DPP6: variants seen among roughly 807,000 people sequenced by gnomAD.
The protein encoded by DPP6 is dipeptidyl peptidase like 6, also known as A-type potassium channel modulatory protein DPP6.
In DPP6, 69 loss-of-function variants were observed where a neutral mutation model predicts 122.6. That is an observed-to-expected ratio of 0.56 (90% CI 0.46 to 0.69). DPP6 has a LOEUF of 0.69. DPP6 is among the 30% of genes least tolerant of loss of function. The pLI is 0.00. For synonymous variants in DPP6, 418 were observed against 433.1 expected (o/e 0.97, Z 0.43); for missense variants, 928 against 1,116.9 (o/e 0.83, Z 2.41).
the DPP6 span, among the ~76,000 whole-genome samples, chr7:153,826,907 A>AT: frequency 6.6e-6 from 1 of 152,212 alleles, no homozygotes; most frequent in African/African-American, 2.4e-5. Flanking sequence ...ATTTTGGCAT[A>AT]TAGATGGGTG....
chr7:153,977,198 G>GTTGT (rs1554424794), intron 1 of DPP6, among the ~76,000 whole-genome samples: 1 of 149,730 alleles, frequency 6.7e-6, no homozygotes, highest in African/African-American at 2.4e-5. Flanking sequence ...TACCAATAGG[G>GTTGT]GTGTGTGTGT....
At position 154,383,976 on chromosome 7, in the gene DPP6, G is replaced by A. The variant is rs141092288; in HGVS notation, c.244-62238G>A. 8.0e-4 allele frequency among the ~76,000 whole-genome samples: 121 copies of A among 151,564 alleles called. 2 individuals are homozygous for A. Among genetic ancestry groups the A allele is most frequent in the African/African-American group, 2.8e-3 (117 of 41,294 alleles). ...ATGAAAGGATTCTTTAAACTCCTCT[G>A]CAAGAGCCTGAGTCTGCCCAGCATC... On this transcript the variant is annotated intron_variant, in intron 1 of 25. Coordinates refer to ENST00000377770, the MANE Select transcript of DPP6 (RefSeq NM_130797.4).
intron 1 of DPP6, among the ~76,000 whole-genome samples, chr7:154,351,801 C>T (rs1810880140): frequency 6.6e-6 from 1 of 152,146 alleles, no homozygotes; most frequent in South Asian, 2.1e-4. Flanking sequence ...GCATGGGGGG[C>T]CTCTGGGTGT....
intron 5 of DPP6, among the ~76,000 whole-genome samples, chr7:154,634,898 T>C (rs886185575): frequency 6.6e-6 from 1 of 152,202 alleles, no homozygotes; most frequent in Non-Finnish European, 1.5e-5. Context: ...AACCAGGGAA[T>C]GAATTTAAAT....
chr7:154,273,030 A>G (rs1803895712), intron 1 of DPP6, among the ~76,000 whole-genome samples: 2 of 152,186 alleles, frequency 1.3e-5, no homozygotes, highest in South Asian at 4.2e-4. Context: ...CTCTTTTATC[A>G]CTTCCCTCAC....
chr7:154,086,513 G>A (rs59921942), intron 1 of DPP6, among the ~76,000 whole-genome samples: 1 of 148,138 alleles, frequency 6.8e-6, no homozygotes, highest in African/African-American at 2.5e-5. Context: ...TGTTCCATCT[G>A]CTGCCCTACA....
intron 1 of DPP6, among the ~76,000 whole-genome samples, chr7:154,258,043 C>T (rs2150908489): frequency 6.6e-6 from 1 of 151,022 alleles, no homozygotes; most frequent in African/African-American, 2.4e-5. Flanking sequence ...CCTGAAAAGC[C>T]AAAGGCACCA....
At chr7:153,939,444 C>T (rs183943940) in intron 1 of DPP6, among the ~76,000 whole-genome samples, 2 of 152,258 alleles carry the variant, frequency 1.3e-5, no homozygotes, top group Non-Finnish European at 2.9e-5. Flanking sequence ...AGTCTAGCAA[C>T]AAAGTCAGAC....
intron 1 of DPP6, chr7:154,305,472 G>T: frequency 6.3e-7 from 1 of 1,581,616 alleles, no homozygotes; most frequent in Admixed American, 1.8e-5. Flanking sequence ...CTGCCCCGGT[G>T]GTGGGAAGCG....
At position 154,697,566 on chromosome 7, in the gene DPP6, G is replaced by T. The variant is rs926076551; in HGVS notation, c.762+28125G>T. Among the ~76,000 whole-genome samples, 3 of 152,266 alleles carry T rather than the reference G, an allele frequency of 2.0e-5. No homozygotes were observed. In the East Asian group the frequency reaches 5.8e-4, roughly 29 times the overall value. ...AAGCCAAGGATGGGAAGGATTCTGA[G>T]GTCTGTTTGGCAGAGGTCACATGGA... On this transcript the variant is annotated intron_variant, in intron 7 of 25. Transcript: ENST00000377770.
chr7:154,525,656 C>T (rs1389914227), intron 3 of DPP6, among the ~76,000 whole-genome samples: 2 of 152,200 alleles, frequency 1.3e-5, no homozygotes, highest in Non-Finnish European at 2.9e-5. Flanking sequence ...GAGAACGTGG[C>T]TAACACATGG....
chr7:154,407,794 C>T (rs763693021), intron 1 of DPP6, among the ~76,000 whole-genome samples: 6 of 152,028 alleles, frequency 3.9e-5, no homozygotes, highest in Non-Finnish European at 7.4e-5. Context: ...CCTAATATAC[C>T]GTGTCCAATA....
At chr7:154,174,004 G>C (rs751758948) in intron 1 of DPP6, among the ~76,000 whole-genome samples, 17 of 152,208 alleles carry the variant, frequency 1.1e-4, no homozygotes, top group Non-Finnish European at 1.8e-4. Context: ...TGGGTGTCTT[G>C]CTTAAGGGGA....
At chr7:154,021,710 A>G (rs1321039269) in intron 1 of DPP6, among the ~76,000 whole-genome samples, 1 of 152,146 alleles carries the variant, frequency 6.6e-6, no homozygotes, top group Non-Finnish European at 1.5e-5. Flanking sequence ...ATCCTTCAGT[A>G]GAGACAAGTG....
Position 154,882,844 on chromosome 7 carries a change from C to T in DPP6, c.2133+1902C>T, listed in dbSNP as rs980569309. ...GAAAATGAAAATCTTCTTTCATTGT[C>T]ATTAGACAAGGTGCCCCTGCCCTAT... is the stretch of plus-strand genomic sequence containing the variant. On this transcript the variant is annotated intron_variant, in intron 21 of 25. Transcript: ENST00000377770. Among the ~76,000 whole-genome samples the T allele has an allele frequency of 9.8e-5, 15 of 152,292 alleles. No individual in the cohort carries two copies. The Middle Eastern group carries it at 0.01, about 104-fold the overall frequency.
chr7:154,623,847 C>T (rs1031485116), intron 5 of DPP6, among the ~76,000 whole-genome samples: 32 of 152,192 alleles, frequency 2.1e-4, no homozygotes, highest in South Asian at 4.1e-4. Flanking sequence ...ATAAACTTAC[C>T]CCAAAGTATT....
intron 2 of DPP6, among the ~76,000 whole-genome samples, chr7:154,461,750 A>G (rs1361287743): frequency 4.6e-5 from 7 of 152,286 alleles, no homozygotes; most frequent in African/African-American, 1.7e-4. Flanking sequence ...TGAGCTCCAT[A>G]TATATTCTGC....
At chr7:154,714,788 A>T (rs1447260148) in intron 7 of DPP6, among the ~76,000 whole-genome samples, 6 of 152,244 alleles carry the variant, frequency 3.9e-5, no homozygotes, top group Non-Finnish European at 7.3e-5. Context: ...AGCCATATTT[A>T]TGCTAAAATG....
the DPP6 span, among the ~76,000 whole-genome samples, chr7:153,772,431 A>G: frequency 6.6e-6 from 1 of 152,182 alleles, no homozygotes; most frequent in Non-Finnish European, 1.5e-5. Context: ...TTAATAATGC[A>G]TATTGTAAAC....
Sources: gnomAD v4.1 joint callset for allele counts (sites outside exome capture counted in the v4.1 genomes callset) on GRCh38, gnomAD v4.1.1 for gene constraint, MANE v1.5 for transcripts, NCBI Gene and HGNC (gene_info 2026-07-23, HGNC 2026-07-21) for gene names.